Variants in WBP11 observed in about 807,000 individuals in gnomAD.
The protein encoded by WBP11 is WW domain-binding protein 11.
A neutral mutation model predicts 66.7 loss-of-function variants in WBP11; 12 were observed. The ratio of observed to expected loss-of-function variants is 0.18; its 90% CI spans 0.12 to 0.29. WBP11 has a LOEUF of 0.29. WBP11 is among the 10% of genes least tolerant of loss of function. The probability of loss-of-function intolerance (pLI) is 1.00; values close to 1 mark genes in which losing one functional copy is unlikely to be tolerated. For missense variants in WBP11, 555 were observed against 818.3 expected (o/e 0.68, Z 3.93); for synonymous variants, 255 against 273.8 (o/e 0.93, Z 0.68).
chr12:14,797,195 T>C lies in WBP11; in HGVS notation c.191-192A>G, dbSNP rs551928120. Among the ~76,000 whole-genome samples the C allele has an allele frequency of 1.4e-4, 22 of 152,342 alleles. 1 individual carries two copies. Among genetic ancestry groups the C allele is most frequent in the Middle Eastern group, 3.4e-3 (1 of 294 alleles). Reference sequence around the variant, plus strand: ...ATCCCCACCCTTTTTAGATGGCCACTAATTTTACCTTTCTCAGAAATGCCA... The same window carrying C: ...ATCCCCACCCTTTTTAGATGGCCACCAATTTTACCTTTCTCAGAAATGCCA... On this transcript the variant is annotated intron_variant, in intron 4 of 11. Coordinates refer to ENST00000261167, the MANE Select transcript of WBP11 (RefSeq NM_016312.3).
In WBP11 at chr12:14,795,185, G is replaced by T. The variant is rs547428538; in HGVS notation, c.388-81C>A. 1.1e-4 allele frequency: 158 copies of T among 1,406,356 alleles called. No individual in the cohort carries two copies. In the African/African-American group the frequency reaches 2.2e-3, roughly 19 times the overall value. The allele number at this position is 1,406,356 out of a possible 1,614,324, so 87.1% of individuals were successfully genotyped here. A position where few individuals can be genotyped will look rare whatever the true frequency, so the allele number is the denominator to read the frequency against. On this transcript the variant is annotated intron_variant, in intron 5 of 11. Transcript: ENST00000261167. ...CTAAAAATGACAAGTCAGCTGTTTCGTAACTTGGACATGCTTTCCAACTAA... is the reference window on the plus strand; with the variant it reads ...CTAAAAATGACAAGTCAGCTGTTTCTTAACTTGGACATGCTTTCCAACTAA...
Position 14,800,127 on chromosome 12 carries a change from T to C in WBP11, c.97-399A>G, listed in dbSNP as rs1310836338. Among the ~76,000 whole-genome samples the C allele has an allele frequency of 2.6e-5, 4 of 152,260 alleles. No individual in the cohort carries two copies. The South Asian group carries it at 8.3e-4, about 32-fold the overall frequency. On this transcript the variant is annotated intron_variant, in intron 3 of 11. Coordinates refer to ENST00000261167, the MANE Select transcript of WBP11 (RefSeq NM_016312.3). The stretch of plus-strand genomic sequence containing the variant: ...ATTCTAAAATTATATAAAGAATATT[T>C]AAAAATTTTGCAGGAGTTAATGCTA...
intron 5 of WBP11, among the ~76,000 whole-genome samples, chr12:14,795,967 T>G (rs1949890026): frequency 6.6e-6 from 1 of 152,170 alleles, no homozygotes; most frequent in Non-Finnish European, 1.5e-5. Flanking sequence ...AGGTAAAATT[T>G]ACGAAATTTA....
At chr12:14,792,308 GAACTT>G (rs1273083732) in intron 8 of WBP11, among the ~76,000 whole-genome samples, 1 of 151,876 alleles carries the variant, frequency 6.6e-6, no homozygotes, top group Non-Finnish European at 1.5e-5. Flanking sequence ...AGAATAAAAA[GAACTT>G]AACTGACAAA....
intron 11 of WBP11, among the ~76,000 whole-genome samples, chr12:14,788,481 AG>A (rs1301821044): frequency 6.6e-6 from 1 of 152,102 alleles, no homozygotes. Flanking sequence ...AGAGAGAGAG[AG>A]GAAAAAAAGC....
chr12:14,789,182 T>A, intron 10 of WBP11, 49 bp from the exon 11 acceptor site: 1 of 1,464,470 alleles, frequency 6.8e-7, no homozygotes, highest in Non-Finnish European at 9.0e-7. Flanking sequence ...GTACACTAAG[T>A]AATAATTATG....
intron 10 of WBP11, among the ~76,000 whole-genome samples, 154 bp downstream of exon 10, chr12:14,790,299 GAAC>G (rs1949805625): frequency 6.6e-6 from 1 of 152,278 alleles, no homozygotes; most frequent in Non-Finnish European, 1.5e-5. Context: ...GTTTGGGAAT[GAAC>G]AACCTTTACT....
Position 14,786,930 on chromosome 12 carries a change from T to C in WBP11, c.*135A>G. On this transcript the variant is annotated 3_prime_UTR_variant, in exon 12 of 12. Transcript: ENST00000261167. ...GCAGTAAATTCTGAACAAGGCTAAA[T>C]TTTAGGATATTCCTTGAACTGAAAT... The C allele has an allele frequency of 1.0e-6, 1 of 979,674 alleles. No individual in the cohort carries two copies. Among genetic ancestry groups the C allele is most frequent in the Non-Finnish European group, 1.5e-6 (1 of 683,476 alleles). The allele number at this position is 979,674 out of a possible 1,614,324, so 60.7% of individuals were successfully genotyped here.
chr12:14,801,819 ATT>A (rs34032506), intron 1 of WBP11: 27,236 of 161,990 alleles, frequency 0.17, 2,647 homozygotes, highest in African/African-American at 0.27. Flanking sequence ...TTAACATGTA[ATT>A]GTAAAAGAAG....
Position 14,787,071 on chromosome 12 carries a change from T to C in WBP11, c.1920A>G (p.Leu640=), listed in dbSNP as rs758176124. 4.6e-5 allele frequency: 74 copies of C among 1,611,482 alleles called. No homozygotes were observed. Among genetic ancestry groups the C allele is most frequent in the Non-Finnish European group, 6.1e-5 (72 of 1,177,932 alleles). ...TTTCTGGCATCAAAAGCTGTCACAGTAGCCCTTCCATCTCTTTCATGAAAG... is the reference window on the plus strand; with the variant it reads ...TTTCTGGCATCAAAAGCTGTCACAGCAGCCCTTCCATCTCTTTCATGAAAG... ...YEAFMKEMEG[L]L Residue 640 remains leucine, a synonymous_variant, in exon 12 of 12, where the codon CTA becomes CTG. Coordinates refer to ENST00000261167, the MANE Select transcript of WBP11 (RefSeq NM_016312.3).
chr12:14,799,537 T>C (rs1949934047), intron 4 of WBP11, 98 bp downstream of exon 4: 1 of 1,108,990 alleles, frequency 9.0e-7, no homozygotes, highest in African/African-American at 1.6e-5. Flanking sequence ...AATGCCATCA[T>C]GCTGTTCTGT....
chr12:14,790,843 G>A, intron 9 of WBP11, 94 bp from the exon 10 acceptor site: 1 of 1,266,756 alleles, frequency 7.9e-7, no homozygotes, highest in East Asian at 2.3e-5. Context: ...TAATAAATGT[G>A]TTCTCAAAAT....
chr12:14,799,786 A>C, intron 3 of WBP11, 58 bp from the exon 4 acceptor site: 2 of 1,515,558 alleles, frequency 1.3e-6, no homozygotes, highest in South Asian at 2.4e-5. Flanking sequence ...TTTTACTTCA[A>C]CTTGCTTTAA....
intron 4 of WBP11, chr12:14,799,384 T>C (rs1949932385): frequency 6.7e-6 from 2 of 300,028 alleles, no homozygotes; most frequent in Admixed American, 1.0e-4. Context: ...GGCCAAACTG[T>C]GCTTCTGTTA....
At position 14,789,028 on chromosome 12, in the gene WBP11, G is replaced by A; in HGVS notation, c.1415C>T (p.Pro472Leu). The part of the protein sequence containing the change: ...PPPGRPPGPP[P>L]GPPPGLPPGP... ...AGGAGGCAGACCTGGAGGTGGACCT[G>A]GGGGAGGGCCAGGGGGTCGGCCTGG... Residue 472 changes from proline (P) to leucine (L), a missense_variant, in exon 11 of 12, where the codon CCA becomes CTA. By Grantham distance (98) the Pro-to-Leu change is moderately conservative. This residue lies in a region of WBP11 where 230 missense variants were observed against 286.3 expected (regional missense o/e 0.80). Coordinates refer to ENST00000261167, the MANE Select transcript of WBP11 (RefSeq NM_016312.3). 1 of 1,503,174 alleles carries A rather than the reference G, an allele frequency of 6.7e-7. No individual in the cohort carries two copies. Among genetic ancestry groups the A allele is most frequent in the Non-Finnish European group, 8.8e-7 (1 of 1,138,864 alleles). The allele number at this position is 1,503,174 out of a possible 1,614,324, so 93.1% of individuals were successfully genotyped here.
intron 6 of WBP11, 108 bp from the exon 7 acceptor site, chr12:14,794,844 C>T (rs1949872314): frequency 6.4e-7 from 1 of 1,553,198 alleles, no homozygotes; most frequent in East Asian, 2.2e-5. Flanking sequence ...TCTTATTTTA[C>T]ATTTAATCAA....
Position 14,787,225 on chromosome 12 carries a change from T to C in WBP11, c.1766A>G (p.Asn589Ser). The C allele has an allele frequency of 1.2e-6, 2 of 1,614,202 alleles. No homozygotes were observed. Residue 589 changes from asparagine (N) to serine (S), a missense_variant, in exon 12 of 12, where the codon AAT becomes AGT. Asn to Ser is a conservative substitution (Grantham distance 46, BLOSUM62 1). This residue lies in a region of WBP11 where 50 missense variants were observed against 68.3 expected (regional missense o/e 0.73). Coordinates refer to ENST00000261167, the MANE Select transcript of WBP11 (RefSeq NM_016312.3). ...TTGGGGAGCAGCAGTAGCCCCTTTA[T>C]TCTCCCGACGTACTCTCAGTGCAGT... Reference protein sequence around the residue: ...VPTALRVRRENKGATAAPQRK... With the variant: ...VPTALRVRRESKGATAAPQRK...
chr12:14,793,815 C>A lies in WBP11; in HGVS notation c.829G>T (p.Asp277Tyr), dbSNP rs139628348. ...CCGTCACTTTCTCCATCTGATTTGT[C>A]GGTGTCACTGTCATCAGTACTGTCA... is the stretch of plus-strand genomic sequence containing the variant. Reference protein sequence around the residue: ...HDDSTDDSDTDKSDGESDGDE... With the variant: ...HDDSTDDSDTYKSDGESDGDE... Residue 277 changes from aspartate to tyrosine, a missense_variant, in exon 8 of 12, where the codon GAC becomes TAC. Physicochemically the swap from Asp to Tyr is radical, Grantham distance 160. This residue lies in a region of WBP11 where 220 missense variants were observed against 268.2 expected (regional missense o/e 0.82). Transcript: ENST00000261167. 6.2e-7 allele frequency: 1 copy of A among 1,613,864 alleles called. No homozygotes were observed. The highest frequency in any genetic ancestry group is 8.5e-7 in the Non-Finnish European group (1 of 1,179,982).
At position 14,784,893 on chromosome 12, in the gene WBP11, TGCTA is replaced by T. The variant is rs1346998068; in HGVS notation, c.*2168_*2171del. 1 of 151,970 alleles carries T rather than the reference TGCTA, an allele frequency of 6.6e-6. No individual in the cohort carries two copies. The highest frequency in any genetic ancestry group is 1.5e-5 in the Non-Finnish European group (1 of 68,004). The allele number at this position is 151,970 out of a possible 1,614,324, so 9.4% of individuals were successfully genotyped here. A position where few individuals can be genotyped will look rare whatever the true frequency, so the allele number is the denominator to read the frequency against. Reference sequence around the variant, plus strand: ...TAACAAGTGTACCCAGAATCAGAACTGCTAATTAATTCCCCTTTCCTGTGGATGC... The same window carrying T: ...TAACAAGTGTACCCAGAATCAGAACTATTAATTCCCCTTTCCTGTGGATGC... On this transcript the variant is annotated 3_prime_UTR_variant, in exon 12 of 12. Coordinates refer to ENST00000261167, the MANE Select transcript of WBP11 (RefSeq NM_016312.3).
Sources: allele counts gnomAD v4.1 joint callset (sites outside exome capture counted in the v4.1 genomes callset), GRCh38; gene constraint gnomAD v4.1.1; regional missense constraint gnomAD v4.1.1; transcripts MANE v1.5; gene names NCBI Gene and HGNC (gene_info 2026-07-23, HGNC 2026-07-21).